The following FLNB variants were observed in gnomAD, a reference collection of about 807,000 sequenced individuals.
FLNB encodes filamin B, also known as filamin-B.
Under a neutral mutation model 250.6 loss-of-function variants are expected in FLNB, and 111 were observed. That is an observed-to-expected ratio of 0.44 (90% CI 0.38 to 0.52). FLNB has a LOEUF of 0.52. Ranked by LOEUF, FLNB falls within the 20% of genes least tolerant of loss-of-function variation. The pLI is 0.00. For synonymous variants in FLNB, 1,302 were observed against 1,372.1 expected (o/e 0.95, Z 1.13); for missense variants, 2,869 against 3,447.8 (o/e 0.83, Z 4.20).
At chr3:58,160,068 A>G (rs1022935088) in intron 42 of FLNB, among the ~76,000 whole-genome samples, 3 of 152,142 alleles carry the variant, frequency 2.0e-5, no homozygotes, top group Non-Finnish European at 2.9e-5. Flanking sequence ...AAAAAAACAC[A>G]TACACACAAC....
chr3:58,148,551 G>A (rs185239979), intron 35 of FLNB, 98 bp from the exon 36 acceptor site: 6 of 1,279,212 alleles, frequency 4.7e-6, no homozygotes, highest in Admixed American at 3.7e-5. Flanking sequence ...ATTGTTGGGT[G>A]TCAGGAAAGA....
chr3:58,063,802 G>A (rs1211607024), intron 1 of FLNB, among the ~76,000 whole-genome samples: 4 of 152,216 alleles, frequency 2.6e-5, no homozygotes, highest in African/African-American at 7.2e-5. Context: ...TTTAAACCAA[G>A]GAAGCCACCT....
intron 11 of FLNB, among the ~76,000 whole-genome samples, 177 bp downstream of exon 11, chr3:58,105,393 C>T (rs1167326932): frequency 6.6e-6 from 1 of 152,190 alleles, no homozygotes; most frequent in Non-Finnish European, 1.5e-5. Context: ...CCTCTGATAC[C>T]AGCATTGATT....
Position 58,148,846 on chromosome 3 carries a change from G to C in FLNB, c.6085G>C (p.Asp2029His). ...GTCTGACTTCATCGTGGACACAAGG[G>C]ATGCAGGTCTGTGTGGTCCCAGGGG... ...EMSDFIVDTR[D>H]AGYGGISLAV... is the part of the protein sequence containing the mutation. Residue 2029 changes from aspartate to histidine, a missense_variant, in exon 36 of 46, where the codon GAT becomes CAT. Physicochemically the swap from Asp to His is moderately conservative, Grantham distance 81. This residue lies in a region of FLNB where 1,084 missense variants were observed against 1,315.5 expected (regional missense o/e 0.82). Transcript: ENST00000295956. 1.9e-6 allele frequency: 3 copies of C among 1,612,130 alleles called. No individual in the cohort carries two copies. Among genetic ancestry groups the C allele is most frequent in the Non-Finnish European group, 2.5e-6 (3 of 1,179,922 alleles).
chr3:58,024,286 G>A (rs1255351730), intron 1 of FLNB, among the ~76,000 whole-genome samples: 2 of 152,188 alleles, frequency 1.3e-5, no homozygotes. Flanking sequence ...CTCTGAGTTT[G>A]TGTCCCAGAC....
At position 58,168,616 on chromosome 3, in the gene FLNB, C is replaced by T; in HGVS notation, c.7375C>T (p.Pro2459Ser). The part of the protein sequence containing the change: ...NYLISVKYGG[P>S]NHIVGSPFKA... ...CCTGATCAGCGTCAAATACGGTGGGCCCAACCACATCGTGGGCAGTCCCTT... is the reference window on the plus strand; with the variant it reads ...CCTGATCAGCGTCAAATACGGTGGGTCCAACCACATCGTGGGCAGTCCCTT... The change falls in exon 44 of 46, where the codon CCC (proline) becomes TCC (serine). Residue 2459 changes from proline (P) to serine (S), a missense_variant. Transcript: ENST00000295956. 1 of 1,614,102 alleles carries T rather than the reference C, an allele frequency of 6.2e-7. No individual in the cohort carries two copies. Among genetic ancestry groups the T allele is most frequent in the Non-Finnish European group, 8.5e-7 (1 of 1,179,998 alleles).
At chr3:58,097,551 A>G (rs186789725) in intron 6 of FLNB, among the ~76,000 whole-genome samples, 118 of 152,318 alleles carry the variant, frequency 7.7e-4, no homozygotes, top group African/African-American at 2.6e-3. Context: ...TTTGTTTCCT[A>G]TTAAAGAGAC....
intron 24 of FLNB, among the ~76,000 whole-genome samples, chr3:58,127,884 C>T (rs1235043065): frequency 2.0e-5 from 3 of 152,220 alleles, no homozygotes; most frequent in East Asian, 1.9e-4. Context: ...GGGTACAAGT[C>T]GTTTGTGGTT....
chr3:58,056,979 C>T (rs1442271583), intron 1 of FLNB, among the ~76,000 whole-genome samples: 1 of 151,458 alleles, frequency 6.6e-6, no homozygotes, highest in African/African-American at 2.4e-5. Context: ...TAACCTATAA[C>T]TCATTTTCTT....
At chr3:58,097,731 G>A in intron 6 of FLNB, 84 bp from the exon 7 acceptor site, 1 of 1,314,636 alleles carries the variant, frequency 7.6e-7, no homozygotes, top group African/African-American at 1.4e-5. Flanking sequence ...TAGGAGAGGT[G>A]ATCATCAATG....
intron 18 of FLNB, among the ~76,000 whole-genome samples, chr3:58,112,790 C>T (rs567431725): frequency 1.3e-5 from 2 of 152,276 alleles, no homozygotes; most frequent in South Asian, 4.1e-4. Flanking sequence ...CTTAGTTTAC[C>T]CTTTTTATGA....
At position 58,067,593 on chromosome 3, in the gene FLNB, G is replaced by GT. The variant is rs375448903; in HGVS notation, c.293-9443dup. ...AGAGGTTTTTTTTGTTTGTTTTTTT[G>GT]TTTTTTTTTTGTTTTTTTTTTGGGA... On this transcript the variant is annotated intron_variant, in intron 1 of 45. Transcript: ENST00000295956. Among the ~76,000 whole-genome samples, 205 of 140,866 alleles carry GT rather than the reference G, an allele frequency of 1.5e-3. 2 individuals carry two copies. The highest frequency in any genetic ancestry group is 2.2e-3 in the Admixed American group (32 of 14,316). 92.4% of individuals were successfully genotyped at this position (140,866 alleles called of 152,430 possible).
chr3:58,106,954 C>A, intron 12 of FLNB, 81 bp downstream of exon 12: 1 of 1,075,520 alleles, frequency 9.3e-7, no homozygotes, highest in Non-Finnish European at 1.4e-6. Flanking sequence ...CCTTAAGCAG[C>A]ATGTTGAGAG....
chr3:58,051,875 G>C (rs1299438989), intron 1 of FLNB, among the ~76,000 whole-genome samples: 1 of 151,992 alleles, frequency 6.6e-6, no homozygotes, highest in Non-Finnish European at 1.5e-5. Flanking sequence ...TGCGGTCAGG[G>C]GAGAGACTCG....
chr3:58,021,089 T>A (rs767621573), intron 1 of FLNB, among the ~76,000 whole-genome samples: 2 of 152,172 alleles, frequency 1.3e-5, no homozygotes, highest in Non-Finnish European at 2.9e-5. Flanking sequence ...TCACCCTGGT[T>A]TCCCTGCACC....
rs367857617 is a variant in FLNB, at chr3:58,132,908, T to C, written c.4491T>C (p.Tyr1497=). Residue 1497 remains tyrosine (Y), a synonymous_variant, in exon 26 of 46, where the codon TAT becomes TAC. Coordinates refer to ENST00000295956, the MANE Select transcript of FLNB (RefSeq NM_001457.4). ...QEGPYMVSVK[Y]ADEEIPRSPF... is the part of the protein sequence containing the mutation. Reference sequence around the variant, plus strand: ...GACCTTACATGGTCTCAGTTAAATATGCTGATGAAGAGATTCCTCGCAGGT... The same window carrying C: ...GACCTTACATGGTCTCAGTTAAATACGCTGATGAAGAGATTCCTCGCAGGT... 1.9e-6 allele frequency: 3 copies of C among 1,613,878 alleles called. No individual in the cohort carries two copies. Among genetic ancestry groups the C allele is most frequent in the African/African-American group, 1.3e-5 (1 of 74,932 alleles).
At chr3:58,088,268 G>A (rs991638073) in intron 4 of FLNB, among the ~76,000 whole-genome samples, 10 of 151,894 alleles carry the variant, frequency 6.6e-5, no homozygotes, top group Non-Finnish European at 1.2e-4. Context: ...GGCTGGTCTC[G>A]AACTCCTGAC....
chr3:58,109,482 G>T (rs1477854600), intron 14 of FLNB, 94 bp from the exon 15 acceptor site: 1 of 1,606,858 alleles, frequency 6.2e-7, no homozygotes, highest in African/African-American at 1.3e-5. Context: ...GCTCCAGCCT[G>T]CTCAGAAGAA....
In FLNB at chr3:58,089,199, A is replaced by T. The variant is rs2097222160; in HGVS notation, c.788-5637A>T. Reference sequence around the variant, plus strand: ...GTTGATGCCAACACTGAGGTGATAGAGATGTTAGAATCCTATGACAAAAAT... The same window carrying T: ...GTTGATGCCAACACTGAGGTGATAGTGATGTTAGAATCCTATGACAAAAAT... On this transcript the variant is annotated intron_variant, in intron 4 of 45. Transcript: ENST00000295956. 3.3e-5 allele frequency among the ~76,000 whole-genome samples: 5 copies of T among 152,170 alleles called. No homozygotes were observed. The South Asian group carries it at 1.0e-3, about 32-fold the overall frequency.
Sources: allele counts gnomAD v4.1 joint callset (sites outside exome capture counted in the v4.1 genomes callset), GRCh38; gene constraint gnomAD v4.1.1; regional missense constraint gnomAD v4.1.1; transcripts MANE v1.5; gene names NCBI Gene and HGNC (gene_info 2026-07-23, HGNC 2026-07-21).